Variants in PRKCA observed in about 807,000 individuals in gnomAD.
The protein encoded by PRKCA is protein kinase C alpha.
A neutral mutation model predicts 87.0 loss-of-function variants in PRKCA; 27 were observed. The ratio of observed to expected loss-of-function variants is 0.31; its 90% confidence interval spans 0.23 to 0.43. The LOEUF is 0.43. PRKCA is among the 20% of genes least tolerant of loss of function. The probability of loss-of-function intolerance (pLI) is 1.00; values close to 1 mark genes in which losing one functional copy is unlikely to be tolerated. For missense variants in PRKCA, 518 were observed against 852.3 expected, an observed-to-expected ratio of 0.61 and a Z score of 4.88; for synonymous variants, 329 against 311.1, an observed-to-expected ratio of 1.06 and a Z score of -0.61.
intron 2 of PRKCA, among the ~76,000 whole-genome samples, chr17:66,440,140 C>T (rs966686435): frequency 6.6e-6 from 1 of 152,180 alleles, no homozygotes; most frequent in Non-Finnish European, 1.5e-5. Flanking sequence ...GTCCTAAAAT[C>T]CTAGATCCAA....
chr17:66,562,061 T>TA (rs1432964937), intron 3 of PRKCA, among the ~76,000 whole-genome samples: 4 of 115,988 alleles, frequency 3.4e-5, no homozygotes, highest in Non-Finnish European at 7.6e-5. Flanking sequence ...TATAATTAAA[T>TA]ATATATAATT....
intron 13 of PRKCA, 40 bp downstream of exon 13, chr17:66,742,800 A>C: frequency 6.2e-7 from 1 of 1,604,672 alleles, no homozygotes; most frequent in Non-Finnish European, 8.5e-7. Context: ...CAGGACTCCC[A>C]AACTGTAAAC....
intron 12 of PRKCA, 128 bp downstream of exon 12, chr17:66,741,849 T>C (rs1974165376): frequency 1.1e-6 from 1 of 878,672 alleles, no homozygotes; most frequent in Non-Finnish European, 1.7e-6. Flanking sequence ...AGAGACCTGC[T>C]GGGACCCACC....
At chr17:66,688,490 G>A (rs566831472) in intron 7 of PRKCA, 54 bp downstream of exon 7, 1 of 1,603,592 alleles carries the variant, frequency 6.2e-7, no homozygotes, top group East Asian at 2.2e-5. Context: ...CATTTAGACA[G>A]TTAGGTTTCA....
At chr17:66,801,139 G>A (rs1016377526) in intron 16 of PRKCA, among the ~76,000 whole-genome samples, 3 of 152,188 alleles carry the variant, frequency 2.0e-5, no homozygotes, top group African/African-American at 7.2e-5. Flanking sequence ...ACATACGGCT[G>A]CTCCTGCCTG....
chr17:66,424,568 A>AACACACACACACACACACACAC (rs141074503), intron 2 of PRKCA, among the ~76,000 whole-genome samples: 1,451 of 141,996 alleles, frequency 0.01, 38 homozygotes, highest in African/African-American at 0.036. Context: ...CCCTGTCTCA[A>AACACACACACACACACACACAC]ACACACACAC....
chr17:66,752,808 A>T (rs775010346), intron 13 of PRKCA, among the ~76,000 whole-genome samples: 19 of 152,088 alleles, frequency 1.2e-4, no homozygotes, highest in African/African-American at 4.1e-4. Context: ...GCTTCTTGAC[A>T]TGGTGCTGGC....
intron 2 of PRKCA, among the ~76,000 whole-genome samples, chr17:66,419,238 A>G (rs1180633821): frequency 2.0e-5 from 3 of 152,158 alleles, no homozygotes; most frequent in Non-Finnish European, 4.4e-5. Flanking sequence ...CTCTTTCTGT[A>G]AGCATACTGA....
At chr17:66,533,695 C>T (rs1019565612) in intron 3 of PRKCA, among the ~76,000 whole-genome samples, 1 of 140,162 alleles carries the variant, frequency 7.1e-6, no homozygotes, top group Non-Finnish European at 1.5e-5. Flanking sequence ...ACTGTCCAGG[C>T]TGCCGCCCCC....
At chr17:66,696,051 G>A (rs1277047192) in intron 8 of PRKCA, among the ~76,000 whole-genome samples, 1 of 152,218 alleles carries the variant, frequency 6.6e-6, no homozygotes, top group East Asian at 1.9e-4. Context: ...CCCTTCCTGG[G>A]GAGCAAGAGG....
intron 13 of PRKCA, among the ~76,000 whole-genome samples, chr17:66,749,264 T>G: frequency 1.5e-5 from 2 of 129,822 alleles, no homozygotes; most frequent in African/African-American, 2.8e-5. Flanking sequence ...CCCCGCCCCA[T>G]TCCCTCCCTG....
chr17:66,538,777 G>A (rs1438147080), intron 3 of PRKCA, among the ~76,000 whole-genome samples: 3 of 152,168 alleles, frequency 2.0e-5, no homozygotes, highest in Non-Finnish European at 4.4e-5. Context: ...GTTGGAATGA[G>A]TACCGTAGCA....
chr17:66,699,159 G>A (rs759181807), intron 8 of PRKCA, among the ~76,000 whole-genome samples: 2 of 148,958 alleles, frequency 1.3e-5, no homozygotes, highest in African/African-American at 2.5e-5. Context: ...TCGATTGTGC[G>A]TGTGAATAGC....
chr17:66,511,674 T>C (rs1917236775), intron 3 of PRKCA, among the ~76,000 whole-genome samples: 1 of 150,520 alleles, frequency 6.6e-6, no homozygotes, highest in African/African-American at 2.4e-5. Flanking sequence ...CATTCTCTCA[T>C]ATAGTGAACT....
At chr17:66,771,486 C>A (rs961913351) in intron 13 of PRKCA, among the ~76,000 whole-genome samples, 2 of 152,154 alleles carry the variant, frequency 1.3e-5, no homozygotes, top group African/African-American at 4.8e-5. Flanking sequence ...GTTTTTAATG[C>A]ATATGTACAC....
rs980411602 is a variant in PRKCA at position 66,615,875 on chromosome 17, T to C, written c.289-25480T>C. Among the ~76,000 whole-genome samples the C allele has an allele frequency of 6.6e-5, 10 of 152,210 alleles. No homozygotes were observed. The South Asian group carries it at 1.9e-3, about 28-fold the overall frequency. On this transcript the variant is annotated intron_variant, in intron 3 of 16. Coordinates refer to ENST00000413366, the MANE Select transcript of PRKCA (RefSeq NM_002737.3). ...TTCAAATCCAAGCAGCTTCAAGGAA[T>C]CCCCCCAGCTCCCTTGCTGTCAGGA...
chr17:66,535,324 A>G (rs1967737394), intron 3 of PRKCA, among the ~76,000 whole-genome samples: 2 of 152,214 alleles, frequency 1.3e-5, no homozygotes, highest in South Asian at 4.1e-4. Context: ...TTGAGTATAA[A>G]TAGGCCATCT....
chr17:66,790,888 T>C (rs1355026752), intron 16 of PRKCA, among the ~76,000 whole-genome samples: 2 of 152,038 alleles, frequency 1.3e-5, no homozygotes, highest in Admixed American at 6.6e-5. Context: ...CTGTTCTCTG[T>C]GGTCCACGGA....
rs8073633 is a variant in PRKCA, at chr17:66,786,859, C to T, written c.1606-8C>T. ...ATACTTTCCCATCTTTCTTTTTTTC[C>T]GGAACAGCCTCCATTTGATGGTGAA... On this transcript the variant is annotated splice_region_variant and splice_polypyrimidine_tract_variant and intron_variant, in intron 14 of 16. Coordinates refer to ENST00000413366, the MANE Select transcript of PRKCA (RefSeq NM_002737.3). The T allele has an allele frequency of 9.1e-5, 146 of 1,609,220 alleles. 1 individual carries two copies. The African/African-American group carries it at 1.3e-3, about 14-fold the overall frequency.
Sources: gnomAD v4.1 joint callset for allele counts (sites outside exome capture counted in the v4.1 genomes callset) on GRCh38, gnomAD v4.1.1 for gene constraint, MANE v1.5 for transcripts, NCBI Gene and HGNC (gene_info 2026-07-23, HGNC 2026-07-21) for gene names.